The following ACTR3C variants were observed in gnomAD, a reference collection of about 807,000 sequenced individuals.
ACTR3C encodes actin related protein 3C, also known as actin-related protein 3C.
A neutral mutation model predicts 26.3 loss-of-function variants in ACTR3C; 18 were observed. The observed-to-expected ratio is 0.68, with a 90% CI of 0.47 to 1.01. The LOEUF (loss-of-function observed/expected upper bound fraction) is 1.01. Ranked by LOEUF, ACTR3C falls within the 50% of genes least tolerant of loss-of-function variation. The pLI is 0.00. For missense variants in ACTR3C, 184 were observed against 250.7 expected, an observed-to-expected ratio of 0.73 and a Z score of 1.80; for synonymous variants, 55 against 94.5, an observed-to-expected ratio of 0.58 and a Z score of 2.42.
chr7:150,209,764 A>C, the ACTR3C span, among the ~76,000 whole-genome samples: 21 of 88,632 alleles, frequency 2.4e-4, no homozygotes, highest in African/African-American at 8.2e-4. Context: ...CACACACACA[A>C]AATTAGCTGG....
At chr7:150,123,887 A>C in the ACTR3C span, among the ~76,000 whole-genome samples, 1 of 152,190 alleles carries the variant, frequency 6.6e-6, no homozygotes, top group African/African-American at 2.4e-5. Flanking sequence ...CTGAGGTTCC[A>C]GGCCACGGAG....
the ACTR3C span, chr7:150,001,898 G>C: frequency 1.3e-5 from 2 of 152,224 alleles, no homozygotes; most frequent in Non-Finnish European, 2.9e-5. Flanking sequence ...GTTCTCATTT[G>C]GGAGAAAGGC....
the ACTR3C span, among the ~76,000 whole-genome samples, chr7:150,148,296 G>A: frequency 6.6e-6 from 1 of 152,100 alleles, no homozygotes; most frequent in Non-Finnish European, 1.5e-5. Context: ...TGCCAACGTG[G>A]TGAAACCCTG....
chr7:150,264,053 C>T (rs1017565440), intron 6 of ACTR3C, among the ~76,000 whole-genome samples: 8 of 152,286 alleles, frequency 5.3e-5, no homozygotes, highest in Admixed American at 3.3e-4. Flanking sequence ...TTTTCCTGAG[C>T]GCCGGGAGAG....
the ACTR3C span, among the ~76,000 whole-genome samples, chr7:149,958,032 G>A: frequency 6.6e-6 from 1 of 152,182 alleles, no homozygotes; most frequent in African/African-American, 2.4e-5. Context: ...AGTACCAGGA[G>A]GCTTCACTTT....
At position 150,294,164 on chromosome 7, in the gene ACTR3C, A is replaced by T. The variant is rs10239390; in HGVS notation, c.46-745T>A. Reference sequence around the variant, plus strand: ...GAAGGTACAGGGTAATTTTTCAACCAAAGAAAATGTTGCCCCAAAGGGAAC... The same window carrying T: ...GAAGGTACAGGGTAATTTTTCAACCTAAGAAAATGTTGCCCCAAAGGGAAC... On this transcript the variant is annotated intron_variant, in intron 2 of 7. Transcript: ENST00000683684. Among the ~76,000 whole-genome samples the T allele has an allele frequency of 7.8e-4, 118 of 151,954 alleles. 1 individual carries two copies. The highest frequency in any genetic ancestry group is 2.7e-3 in the African/African-American group (111 of 41,358).
At chr7:150,024,608 C>T in the ACTR3C span, among the ~76,000 whole-genome samples, 12 of 149,594 alleles carry the variant, frequency 8.0e-5, no homozygotes, top group Admixed American at 2.0e-4. Flanking sequence ...CAAACGGGCA[C>T]AGGTTCCAGG....
At chr7:149,937,961 C>T in the ACTR3C span, among the ~76,000 whole-genome samples, 1 of 152,114 alleles carries the variant, frequency 6.6e-6, no homozygotes, top group Non-Finnish European at 1.5e-5. Flanking sequence ...TGGGAGGAGG[C>T]TCTGAGTTGA....
rs543099724 is a variant in ACTR3C at position 150,278,803 on chromosome 7, A to T, written c.564+5950T>A. Among the ~76,000 whole-genome samples the T allele has an allele frequency of 2.6e-5, 4 of 152,346 alleles. No individual in the cohort carries two copies. The East Asian group carries it at 5.8e-4, about 22-fold the overall frequency. On this transcript the variant is annotated intron_variant, in intron 6 of 7. Coordinates refer to ENST00000683684, the MANE Select transcript of ACTR3C (RefSeq NM_001164458.2). ...GATATTAGTGTGGAACTGGGGCTAA[A>T]AGAGCAGAGCTCTGGAACCTTCTCT...
At chr7:150,035,231 G>T in the ACTR3C span, among the ~76,000 whole-genome samples, 120 of 102,044 alleles carry the variant, frequency 1.2e-3, 1 homozygote, top group East Asian at 3.3e-3. Flanking sequence ...TGCCATGGGG[G>T]TCCTAAGAGC....
At chr7:150,231,568 A>T in the ACTR3C span, among the ~76,000 whole-genome samples, 1 of 150,154 alleles carries the variant, frequency 6.7e-6, no homozygotes, top group Non-Finnish European at 1.5e-5. Context: ...TAGCCTATAG[A>T]ACTGTGAGCC....
Position 150,280,590 on chromosome 7 carries a change from T to C in ACTR3C, c.564+4163A>G, listed in dbSNP as rs377326294. Among the ~76,000 whole-genome samples, 12 of 152,200 alleles carry C rather than the reference T, an allele frequency of 7.9e-5. 1 individual carries two copies. In the South Asian group the frequency reaches 8.3e-4, roughly 11 times the overall value. ...CTCTGAAGGCCTAATTCCAGCATGG[T>C]GAGTACAGTTAGGAAGAGGGTACGG... On this transcript the variant is annotated intron_variant, in intron 6 of 7. Coordinates refer to ENST00000683684, the MANE Select transcript of ACTR3C (RefSeq NM_001164458.2).
chr7:150,039,140 G>T, the ACTR3C span, among the ~76,000 whole-genome samples: 1 of 150,026 alleles, frequency 6.7e-6, no homozygotes, highest in Non-Finnish European at 1.5e-5. Flanking sequence ...ACGATCGGGG[G>T]TCCTAAGCCG....
chr7:150,046,639 G>A, the ACTR3C span, among the ~76,000 whole-genome samples: 80 of 138,638 alleles, frequency 5.8e-4, 1 homozygote, highest in Non-Finnish European at 9.7e-4. Context: ...TTCTCTGAGA[G>A]CCTGTCGGGG....
the ACTR3C span, among the ~76,000 whole-genome samples, chr7:149,906,464 C>CTCTG: frequency 8.4e-6 from 1 of 119,454 alleles, no homozygotes; most frequent in Non-Finnish European, 1.6e-5. Context: ...TGGAGCCTCA[C>CTCTG]TCTGTCCCCC....
chr7:150,043,638 C>A, the ACTR3C span, among the ~76,000 whole-genome samples: 8 of 152,210 alleles, frequency 5.3e-5, no homozygotes, highest in Non-Finnish European at 1.0e-4. Flanking sequence ...CATGCTCCTG[C>A]AATATCCATG....
the ACTR3C span, among the ~76,000 whole-genome samples, chr7:150,078,980 C>T: frequency 6.6e-6 from 1 of 152,186 alleles, no homozygotes; most frequent in Non-Finnish European, 1.5e-5. Flanking sequence ...CAGATGTCTT[C>T]TTAATACACT....
chr7:150,021,035 G>C, the ACTR3C span, among the ~76,000 whole-genome samples: 2 of 151,984 alleles, frequency 1.3e-5, no homozygotes, highest in Non-Finnish European at 2.9e-5. Context: ...TGGCGAGGCT[G>C]GTCTTGAACT....
chr7:150,255,242 A>ATTTTTTTTTTTTTTTT (rs745713614), intron 6 of ACTR3C, among the ~76,000 whole-genome samples: 1 of 85,600 alleles, frequency 1.2e-5, no homozygotes, highest in South Asian at 4.5e-4. Flanking sequence ...TTTGTAGGGG[A>ATTTTTTTTTTTTTTTT]TTTTTTTTTT....
Sources: gnomAD v4.1 joint callset for allele counts (sites outside exome capture counted in the v4.1 genomes callset) on GRCh38, gnomAD v4.1.1 for gene constraint, MANE v1.5 for transcripts, NCBI Gene and HGNC (gene_info 2026-07-23, HGNC 2026-07-21) for gene names.